Variants in HTT observed in about 807,000 individuals in gnomAD.
HTT encodes huntingtin.
In HTT, 104 loss-of-function variants were observed where a neutral mutation model predicts 362.3. That is an observed-to-expected ratio of 0.29 (90% CI 0.24 to 0.34). The LOEUF (loss-of-function observed/expected upper bound fraction) is 0.34, where lower values mean the gene tolerates loss of function less well. Among genes scored for constraint, HTT ranks in the 10% least tolerant of loss-of-function variants. The pLI is 1.00. For missense variants in HTT, 3,301 were observed against 3,928.6 expected, an observed-to-expected ratio of 0.84 and a Z score of 4.27; for synonymous variants, 1,577 against 1,548.7, an observed-to-expected ratio of 1.02 and a Z score of -0.43.
In HTT at chr4:3,136,261, T is replaced by G; in HGVS notation, c.2733T>G (p.Val911=). ...LKLQERVLNN[V]VIHLLGDEDP... Reference sequence around the variant, plus strand: ...TGCAAGAACGAGTGCTCAATAATGTTGTCATCCATTTGCTTGGAGATGAAG... The same window carrying G: ...TGCAAGAACGAGTGCTCAATAATGTGGTCATCCATTTGCTTGGAGATGAAG... The change falls in exon 21 of 67, where the codon GTT becomes GTG. Residue 911 remains valine, a synonymous_variant. Transcript: ENST00000355072. The G allele has an allele frequency of 1.9e-6, 3 of 1,612,452 alleles. No homozygotes were observed. Among genetic ancestry groups the G allele is most frequent in the Admixed American group, 1.7e-5 (1 of 59,980 alleles).
intron 40 of HTT, among the ~76,000 whole-genome samples, chr4:3,195,765 A>G (rs1039980500): frequency 6.6e-6 from 1 of 152,178 alleles, no homozygotes; most frequent in Non-Finnish European, 1.5e-5. Context: ...GTTTTCCTCC[A>G]TGTGGGAATT....
rs772617635 is a variant in HTT, at chr4:3,217,837, T to C, written c.7127T>C (p.Leu2376Ser). Residue 2376 changes from leucine to serine, a missense_variant, in exon 52 of 67, where the codon TTG (leucine) becomes TCG (serine). Leu to Ser is a moderately radical substitution (Grantham distance 145). Coordinates refer to ENST00000355072, the MANE Select transcript of HTT (RefSeq NM_001388492.1). ...MVESLQSVLA[L>S]GHKRNSGVPA... is the part of the protein sequence containing the mutation. ...GAGTCTCTGCAGTCGGTGTTGGCCT[T>C]GGGTCATAAAAGGAATAGCGGCGTG... The C allele has an allele frequency of 6.2e-7, 1 of 1,614,210 alleles. No individual in the cohort carries two copies. Among genetic ancestry groups the C allele is most frequent in the South Asian group, 1.1e-5 (1 of 91,086 alleles).
chr4:3,236,063 C>T lies in HTT; in HGVS notation c.8786-86C>T, dbSNP rs927206693. 1.9e-5 allele frequency: 18 copies of T among 972,264 alleles called. No individual in the cohort carries two copies. The African/African-American group carries it at 2.6e-4, about 14-fold the overall frequency. The allele number at this position is 972,264 out of a possible 1,614,324, so 60.2% of individuals were successfully genotyped here. On this transcript the variant is annotated intron_variant, in intron 63 of 66. Transcript: ENST00000355072. ...ACCTGCTTTCAGATCTCCAGGGACT[C>T]ACTGGACCCCTGTGTACAAAGCACT...
At chr4:3,197,491 AGGAGGT>A (rs1354432389) in intron 40 of HTT, among the ~76,000 whole-genome samples, 1 of 151,998 alleles carries the variant, frequency 6.6e-6, no homozygotes, top group African/African-American at 2.4e-5. Flanking sequence ...TCTATCTACT[AGGAGGT>A]GGCCCTCAGA....
rs1721909133 is a variant in HTT at position 3,243,436 on chromosome 4, G to A, written c.*3377G>A. The A allele has an allele frequency of 1.3e-5, 2 of 152,490 alleles. No individual in the cohort carries two copies. The highest frequency in any genetic ancestry group is 4.1e-4 in the South Asian group (2 of 4,836). 9.4% of individuals were successfully genotyped at this position (152,490 alleles called of 1,614,324 possible). ...GAAGGAAGATCTTGAGAGCTGCTGA[G>A]GGACCTTGGAGAGCTCAGGATGGCT... On this transcript the variant is annotated 3_prime_UTR_variant, in exon 67 of 67. Coordinates refer to ENST00000355072, the MANE Select transcript of HTT (RefSeq NM_001388492.1).
rs906999333 is a variant in HTT at position 3,223,540 on chromosome 4, T to C, written c.7605T>C (p.Pro2535=). The stretch of plus-strand genomic sequence containing the variant: ...TGGAGCAGCAGCCCCGGAACAAGCC[T>C]CTGAAAGCTCTCGACACCAGGTTTG... ...SCLEQQPRNK[P]LKALDTRFGR... The change falls in exon 55 of 67, where the codon CCT becomes CCC. Residue 2535 remains proline, a synonymous_variant. Transcript: ENST00000355072. 7 of 1,610,934 alleles carry C rather than the reference T, an allele frequency of 4.3e-6. No homozygotes were observed. The highest frequency in any genetic ancestry group is 1.3e-5 in the African/African-American group (1 of 74,822).
chr4:3,235,559 G>A lies in HTT; in HGVS notation c.8572-6G>A, dbSNP rs1338085437. Reference sequence around the variant, plus strand: ...CTTTGACACAGAGGCCTTTCTCCCTGTGCAGATGTGTGGGGTGATGCTGTC... The same window carrying A: ...CTTTGACACAGAGGCCTTTCTCCCTATGCAGATGTGTGGGGTGATGCTGTC... On this transcript the variant is annotated splice_region_variant and splice_polypyrimidine_tract_variant and intron_variant, in intron 62 of 66. Transcript: ENST00000355072. The A allele has an allele frequency of 1.2e-6, 2 of 1,613,432 alleles. No individual in the cohort carries two copies. Among genetic ancestry groups the A allele is most frequent in the African/African-American group, 1.3e-5 (1 of 74,914 alleles).
chr4:3,156,335 G>T (rs1717144598), intron 27 of HTT, among the ~76,000 whole-genome samples: 1 of 152,136 alleles, frequency 6.6e-6, no homozygotes, highest in Non-Finnish European at 1.5e-5. Flanking sequence ...GGCCAGGCTG[G>T]TCTCGAACTC....
intron 6 of HTT, among the ~76,000 whole-genome samples, chr4:3,111,175 G>A (rs981660042): frequency 4.6e-5 from 7 of 150,830 alleles, no homozygotes; most frequent in Non-Finnish European, 8.9e-5. Context: ...GCACCACCAC[G>A]TCCAGCTATT....
chr4:3,225,859 T>G, intron 57 of HTT, 116 bp downstream of exon 57: 1 of 684,950 alleles, frequency 1.5e-6, no homozygotes. Flanking sequence ...AAGTTTTCCT[T>G]TTTTTTAAAA....
At chr4:3,209,690 C>T (rs1720048053) in intron 46 of HTT, 137 bp from the exon 47 acceptor site, 1 of 1,027,044 alleles carries the variant, frequency 9.7e-7, no homozygotes, top group East Asian at 2.5e-5. Context: ...AGCCGTATAG[C>T]CACAGCCTGC....
chr4:3,117,582 A>G (rs1357191641), intron 8 of HTT, among the ~76,000 whole-genome samples: 1 of 152,152 alleles, frequency 6.6e-6, no homozygotes, highest in Non-Finnish European at 1.5e-5. Flanking sequence ...CATGCCTGTA[A>G]TCCCAGAACT....
At position 3,218,445 on chromosome 4, in the gene HTT, C is replaced by G. The variant is rs1720516192; in HGVS notation, c.7242+493C>G. On this transcript the variant is annotated intron_variant, in intron 52 of 66. Coordinates refer to ENST00000355072, the MANE Select transcript of HTT (RefSeq NM_001388492.1). The surrounding 1 kb of genome is among the most constrained non-coding windows in gnomAD (Gnocchi z 4.4). ...GTCAGGATTTCGAGACCAGCCTGGC[C>G]AACATGGTGAAACCCCATCTCTACT... Among the ~76,000 whole-genome samples, 1 of 152,064 alleles carries G rather than the reference C, an allele frequency of 6.6e-6. No homozygotes were observed. The highest frequency in any genetic ancestry group is 1.5e-5 in the Non-Finnish European group (1 of 68,014).
At chr4:3,202,169 TGTG>T (rs1403030091) in intron 41 of HTT, among the ~76,000 whole-genome samples, 1 of 152,208 alleles carries the variant, frequency 6.6e-6, no homozygotes. Context: ...GTGGGTGTGT[TGTG>T]GTACACATGA....
intron 28 of HTT, among the ~76,000 whole-genome samples, chr4:3,158,858 T>C (rs1406638378): frequency 6.6e-6 from 1 of 152,120 alleles, no homozygotes; most frequent in Non-Finnish European, 1.5e-5. Flanking sequence ...TCAACTCATA[T>C]CATCTTGAAT....
At chr4:3,161,317 A>G (rs1717431000) in intron 29 of HTT, among the ~76,000 whole-genome samples, 1 of 152,158 alleles carries the variant, frequency 6.6e-6, no homozygotes, top group East Asian at 1.9e-4. Flanking sequence ...AATCCAGTCT[A>G]TCATTGATGG....
chr4:3,138,604 C>T (rs899917640), intron 21 of HTT, among the ~76,000 whole-genome samples: 1 of 152,090 alleles, frequency 6.6e-6, no homozygotes, highest in African/African-American at 2.4e-5. Flanking sequence ...GAAGTTGATA[C>T]TTCTCTTTAT....
intron 30 of HTT, 62 bp from the exon 31 acceptor site, chr4:3,172,846 T>C (rs549442972): frequency 2.4e-4 from 268 of 1,101,964 alleles, no homozygotes; most frequent in Middle Eastern, 3.9e-4. Flanking sequence ...GATATTTGTG[T>C]GGGAGATTCT....
rs947705048 is a variant in HTT, at chr4:3,134,855, G to A, written c.2633+315G>A. Among the ~76,000 whole-genome samples, 3 of 152,114 alleles carry A rather than the reference G, an allele frequency of 2.0e-5. No homozygotes were observed. In the South Asian group the frequency reaches 6.3e-4, roughly 32 times the overall value. On this transcript the variant is annotated intron_variant, in intron 19 of 66. Coordinates refer to ENST00000355072, the MANE Select transcript of HTT (RefSeq NM_001388492.1). Reference sequence around the variant, plus strand: ...AGTGGTCCTCCTGCCTCAGCCTCCCGATTAGCTAGGAGAATAGGTGTGTGC... The same window carrying A: ...AGTGGTCCTCCTGCCTCAGCCTCCCAATTAGCTAGGAGAATAGGTGTGTGC...
Sources: gnomAD v4.1 joint callset for allele counts (sites outside exome capture counted in the v4.1 genomes callset) on GRCh38, gnomAD v4.1.1 for gene constraint, Gnocchi (gnomAD v3.1) non-coding constraint, MANE v1.5 for transcripts, NCBI Gene and HGNC (gene_info 2026-07-23, HGNC 2026-07-21) for gene names.